The following DEPDC1B variants were observed in gnomAD, a reference collection of about 807,000 sequenced individuals.
DEPDC1B encodes DEP domain-containing protein 1B.
Under a neutral mutation model 66.5 loss-of-function variants are expected in DEPDC1B, and 51 were observed. That is an observed-to-expected ratio of 0.77 (90% confidence interval 0.61 to 0.97). The LOEUF is 0.97. Ranked by LOEUF, DEPDC1B falls within the 50% of genes least tolerant of loss-of-function variation. The probability of loss-of-function intolerance (pLI) is 0.00; values close to 1 mark genes in which losing one functional copy is unlikely to be tolerated. For synonymous variants in DEPDC1B, 226 were observed against 223.6 expected, an observed-to-expected ratio of 1.01 and a Z score of -0.10; for missense variants, 552 against 637.1, an observed-to-expected ratio of 0.87 and a Z score of 1.44.
chr5:60,641,183 T>G (rs1219907649), intron 6 of DEPDC1B, among the ~76,000 whole-genome samples: 1 of 152,186 alleles, frequency 6.6e-6, no homozygotes, highest in African/African-American at 2.4e-5. Flanking sequence ...CAGAAATTTT[T>G]TGGCTTTCGG....
At position 60,597,821 on chromosome 5, in the gene DEPDC1B, G is replaced by C. The variant is rs1180729395; in HGVS notation, c.1522C>G (p.Gln508Glu). Residue 508 changes from glutamine to glutamate, a missense_variant, in exon 11 of 11, where the codon CAG (glutamine) becomes GAG (glutamate). Coordinates refer to ENST00000265036, the MANE Select transcript of DEPDC1B (RefSeq NM_018369.3). ...TTCTTTAGTGCCCACATTAGCAGCT[G>C]TGGTTTCGGTTTGGGTTTTTCAGGA... ...LFPEKPKPKP[Q>E]LLMWALKKPF... is the part of the protein sequence containing the mutation. 6.2e-7 allele frequency: 1 copy of C among 1,613,518 alleles called. No homozygotes were observed. The highest frequency in any genetic ancestry group is 8.5e-7 in the Non-Finnish European group (1 of 1,179,668).
At chr5:60,609,378 C>G (rs1481474503) in intron 7 of DEPDC1B, among the ~76,000 whole-genome samples, 1 of 152,146 alleles carries the variant, frequency 6.6e-6, no homozygotes, top group Non-Finnish European at 1.5e-5. Context: ...AAAACAGAAG[C>G]CTATGCTACT....
chr5:60,610,479 T>C (rs1752393485), intron 7 of DEPDC1B, among the ~76,000 whole-genome samples: 1 of 152,152 alleles, frequency 6.6e-6, no homozygotes, highest in Admixed American at 6.5e-5. Flanking sequence ...AAGAAATATA[T>C]TGTGCACTAA....
At chr5:60,609,095 C>A (rs1021619201) in intron 7 of DEPDC1B, among the ~76,000 whole-genome samples, 2 of 151,618 alleles carry the variant, frequency 1.3e-5, no homozygotes, top group Admixed American at 1.3e-4. Context: ...GGCAAAAGAG[C>A]AATACCCTGG....
At chr5:60,606,254 A>G (rs1338870859) in intron 7 of DEPDC1B, among the ~76,000 whole-genome samples, 1 of 152,106 alleles carries the variant, frequency 6.6e-6, no homozygotes, top group Non-Finnish European at 1.5e-5. Context: ...CCTCTGTATT[A>G]TTTCCTCATT....
chr5:60,663,044 G>T (rs1162078126), intron 2 of DEPDC1B, among the ~76,000 whole-genome samples: 1 of 152,114 alleles, frequency 6.6e-6, no homozygotes, highest in Non-Finnish European at 1.5e-5. Context: ...TTCTAATTAT[G>T]CCTGAAAGCC....
chr5:60,654,196 A>G, intron 2 of DEPDC1B, among the ~76,000 whole-genome samples: 1 of 149,096 alleles, frequency 6.7e-6, no homozygotes, highest in East Asian at 2.0e-4. Context: ...TGCTTTTGGT[A>G]GTACAGTCAT....
chr5:60,628,107 A>C (rs1372626123), intron 7 of DEPDC1B: 1 of 152,244 alleles, frequency 6.6e-6, no homozygotes, highest in East Asian at 1.9e-4. Flanking sequence ...GGAATAAGTG[A>C]ATAAATAATT....
chr5:60,682,658 A>G (rs1754322187), intron 2 of DEPDC1B, among the ~76,000 whole-genome samples: 1 of 152,208 alleles, frequency 6.6e-6, no homozygotes. Context: ...TATTTAATGA[A>G]TAAATATAAG....
At position 60,605,815 on chromosome 5, in the gene DEPDC1B, T is replaced by C; in HGVS notation, c.940A>G (p.Ile314Val). 1 of 1,612,740 alleles carries C rather than the reference T, an allele frequency of 6.2e-7. No homozygotes were observed. The highest frequency in any genetic ancestry group is 8.5e-7 in the Non-Finnish European group (1 of 1,179,494). Residue 314 changes from isoleucine (I) to valine (V), a missense_variant, in exon 8 of 11, where the codon ATT becomes GTT. Ile to Val is a conservative substitution (Grantham distance 29). Coordinates refer to ENST00000265036, the MANE Select transcript of DEPDC1B (RefSeq NM_018369.3). ...KEKVAVEAFQ[I>V]CCLLLPPENR... ...TCAGGAGGTAGGAGAAGGCAGCAAA[T>C]CTGAAATGCTTCAACTGCCACTTTC... is the stretch of plus-strand genomic sequence containing the variant.
Position 60,605,757 on chromosome 5 carries a change from A to G in DEPDC1B, c.998T>C (p.Met333Thr). The change falls in exon 8 of 11, where the codon ATG becomes ACG. Residue 333 changes from methionine (M) to threonine (T), a missense_variant. Met to Thr is a moderately conservative substitution (Grantham distance 81, BLOSUM62 -1). Transcript: ENST00000265036. The stretch of plus-strand genomic sequence containing the variant: ...TTTGTTTAAGCAAATCCTTGCCATC[A>G]TCCTCATCAATAGCTGTAACTTTCT... The part of the protein sequence containing the change: ...NRRKLQLLMR[M>T]MARICLNKEM... The G allele has an allele frequency of 6.2e-7, 1 of 1,613,846 alleles. No individual in the cohort carries two copies. Among genetic ancestry groups the G allele is most frequent in the East Asian group, 2.2e-5 (1 of 44,876 alleles).
At chr5:60,657,481 A>G (rs747384030) in intron 2 of DEPDC1B, among the ~76,000 whole-genome samples, 38 of 152,318 alleles carry the variant, frequency 2.5e-4, no homozygotes, top group Admixed American at 8.5e-4. Context: ...CAGTTCTTAT[A>G]GTAGCTTGGT....
intron 7 of DEPDC1B, among the ~76,000 whole-genome samples, chr5:60,613,788 T>G (rs1233990871): frequency 6.8e-5 from 7 of 103,318 alleles, no homozygotes; most frequent in Non-Finnish European, 1.4e-4. Context: ...ACATATGTAT[T>G]TGTGTGTGTG....
intron 9 of DEPDC1B, among the ~76,000 whole-genome samples, chr5:60,602,866 G>A (rs1191057769): frequency 2.6e-5 from 4 of 152,184 alleles, no homozygotes; most frequent in Non-Finnish European, 5.9e-5. Flanking sequence ...TTTGGCCAGG[G>A]ATTCATGGCT....
chr5:60,635,934 G>T (rs989045475), intron 7 of DEPDC1B, among the ~76,000 whole-genome samples: 3 of 152,122 alleles, frequency 2.0e-5, no homozygotes, highest in Non-Finnish European at 2.9e-5. Flanking sequence ...GAACAGTGTG[G>T]GTTCTCAGAT....
chr5:60,626,084 T>A (rs932194214), intron 7 of DEPDC1B, among the ~76,000 whole-genome samples: 24 of 152,140 alleles, frequency 1.6e-4, no homozygotes, highest in Non-Finnish European at 1.2e-4. Flanking sequence ...ATCCCTATTA[T>A]CTAATCCAGA....
chr5:60,608,546 A>G (rs1752355157), intron 7 of DEPDC1B, among the ~76,000 whole-genome samples: 1 of 150,280 alleles, frequency 6.7e-6, no homozygotes, highest in Non-Finnish European at 1.5e-5. Flanking sequence ...TTAGTAGTAC[A>G]ATATTTTTAA....
intron 2 of DEPDC1B, among the ~76,000 whole-genome samples, chr5:60,670,943 A>T (rs1345398087): frequency 2.0e-5 from 3 of 152,184 alleles, no homozygotes; most frequent in African/African-American, 4.8e-5. Flanking sequence ...GGAGACTTGC[A>T]TTTACACAAT....
At chr5:60,605,132 TGGTA>T (rs1424851439) in intron 8 of DEPDC1B, among the ~76,000 whole-genome samples, 1 of 152,206 alleles carries the variant, frequency 6.6e-6, no homozygotes, top group East Asian at 1.9e-4. Flanking sequence ...AGAGATTAGA[TGGTA>T]GGTACCACAG....
Sources: allele counts gnomAD v4.1 joint callset (sites outside exome capture counted in the v4.1 genomes callset), GRCh38; gene constraint gnomAD v4.1.1; transcripts MANE v1.5; gene names NCBI Gene and HGNC (gene_info 2026-07-23, HGNC 2026-07-21).